The following PTPRN2 variants were observed in gnomAD, a reference collection of about 807,000 sequenced individuals.
PTPRN2 encodes the protein protein tyrosine phosphatase receptor type N2, also known as receptor-type tyrosine-protein phosphatase N2.
A neutral mutation model predicts 118.8 loss-of-function variants in PTPRN2; 74 were observed. That is an observed-to-expected ratio of 0.62 (90% CI 0.52 to 0.76). PTPRN2 has a LOEUF of 0.76. Among genes scored for constraint, PTPRN2 ranks in the 30% least tolerant of loss-of-function variants. The pLI is 0.00. For synonymous variants in PTPRN2, 641 were observed against 608.0 expected (o/e 1.05, Z -0.80); for missense variants, 1,481 against 1,394.4 (o/e 1.06, Z -0.99).
chr7:157,787,941 C>A lies in PTPRN2; in HGVS notation c.1789-105004G>T, dbSNP rs574935737. ...ACACTGACAGGCCTGGAGGTCTGGA[C>A]AATGGGGAGCCAGCACCGGGTCCCC... On this transcript the variant is annotated intron_variant, in intron 12 of 22. Coordinates refer to ENST00000389418, the MANE Select transcript of PTPRN2 (RefSeq NM_002847.5). This position sits in a 1 kb window ranked among gnomAD's most constrained non-coding sequence, Gnocchi z 5.3. Among the ~76,000 whole-genome samples the A allele has an allele frequency of 6.6e-6, 1 of 152,162 alleles. No homozygotes were observed. Among genetic ancestry groups the A allele is most frequent in the East Asian group, 1.9e-4 (1 of 5,164 alleles).
At chr7:158,395,583 GCC>G (rs1812352864) in intron 2 of PTPRN2, among the ~76,000 whole-genome samples, 1 of 95,036 alleles carries the variant, frequency 1.1e-5, no homozygotes, top group African/African-American at 4.3e-5. Flanking sequence ...GGCGCGAGGG[GCC>G]AGGGGTGAGG....
At chr7:158,069,350 CA>C (rs1811032148) in intron 11 of PTPRN2, among the ~76,000 whole-genome samples, 1 of 152,186 alleles carries the variant, frequency 6.6e-6, no homozygotes, top group South Asian at 2.1e-4. Flanking sequence ...ACAGGTACAT[CA>C]CCACGCTTGG....
rs1373275962 is a variant in PTPRN2, at chr7:158,092,057, G to A, written c.1644-10680C>T. On this transcript the variant is annotated intron_variant, in intron 10 of 22. Coordinates refer to ENST00000389418, the MANE Select transcript of PTPRN2 (RefSeq NM_002847.5). ...ATGGGTGGGTGAGGGATAGGTGATG[G>A]ATAGGTAGAGAGATGGTTGGGTGGG... Among the ~76,000 whole-genome samples the A allele has an allele frequency of 4.7e-5, 7 of 148,022 alleles. No individual in the cohort carries two copies. The East Asian group carries it at 1.2e-3, about 26-fold the overall frequency.
chr7:158,494,683 A>G (rs900726027), intron 1 of PTPRN2, among the ~76,000 whole-genome samples: 15 of 152,160 alleles, frequency 9.9e-5, no homozygotes, highest in Admixed American at 3.9e-4. Context: ...ACAGGAAAGC[A>G]TCTTCCCAGA....
chr7:157,621,745 G>T (rs879562908), intron 14 of PTPRN2, among the ~76,000 whole-genome samples: 1 of 152,006 alleles, frequency 6.6e-6, no homozygotes, highest in East Asian at 1.9e-4. Context: ...TATAAACTCC[G>T]GTGTTTGGGA....
chr7:158,013,331 T>C (rs1806177536), intron 11 of PTPRN2, among the ~76,000 whole-genome samples: 1 of 152,150 alleles, frequency 6.6e-6, no homozygotes, highest in Non-Finnish European at 1.5e-5. Context: ...TTGCAATTGC[T>C]GAATATTCTC....
intron 11 of PTPRN2, among the ~76,000 whole-genome samples, chr7:158,039,439 C>A (rs1023128159): frequency 1.3e-5 from 2 of 152,176 alleles, no homozygotes; most frequent in Admixed American, 6.5e-5. Context: ...TCCTTCCACA[C>A]CAGACCACCA....
chr7:158,367,173 G>A (rs1261952986), intron 2 of PTPRN2, among the ~76,000 whole-genome samples: 1 of 152,210 alleles, frequency 6.6e-6, no homozygotes, highest in African/African-American at 2.4e-5. Context: ...CCAGTGCTCG[G>A]AAGCATCTGG....
At chr7:158,282,565 G>C (rs776189593) in intron 3 of PTPRN2, among the ~76,000 whole-genome samples, 5 of 152,244 alleles carry the variant, frequency 3.3e-5, no homozygotes, top group Admixed American at 6.5e-5. Flanking sequence ...AGGGCATGTT[G>C]AGTTCTGAAG....
Position 157,868,980 on chromosome 7 carries a change from T to C in PTPRN2, c.1788+29693A>G, listed in dbSNP as rs1810891456. ...GGACTCAGTTCCATGTAGAACCAGA[T>C]GAAGATTCATAAAGGCCAGTGGGAT... On this transcript the variant is annotated intron_variant, in intron 12 of 22. Transcript: ENST00000389418. This position sits in a 1 kb window ranked among gnomAD's most constrained non-coding sequence, Gnocchi z 5.2. 1 of 152,132 alleles carries C rather than the reference T, an allele frequency of 6.6e-6. No homozygotes were observed. The highest frequency in any genetic ancestry group is 2.1e-4 in the South Asian group (1 of 4,816). 9.4% of individuals were successfully genotyped at this position (152,132 alleles called of 1,614,324 possible). A position where few individuals can be genotyped will look rare whatever the true frequency, so the allele number is the denominator to read the frequency against.
At chr7:158,080,693 T>C (rs1812753954) in intron 11 of PTPRN2, among the ~76,000 whole-genome samples, 2 of 152,144 alleles carry the variant, frequency 1.3e-5, no homozygotes, top group African/African-American at 4.8e-5. Context: ...ATGACAATTA[T>C]TAATCATATA....
intron 17 of PTPRN2, among the ~76,000 whole-genome samples, chr7:157,593,837 G>T (rs549134730): frequency 1.1e-3 from 161 of 152,330 alleles, no homozygotes; most frequent in African/African-American, 3.8e-3. Flanking sequence ...CAAGTAGGGA[G>T]CCCAAGTGCC....
chr7:157,797,005 G>T (rs747378980), intron 12 of PTPRN2, among the ~76,000 whole-genome samples: 1 of 152,146 alleles, frequency 6.6e-6, no homozygotes, highest in Non-Finnish European at 1.5e-5. Flanking sequence ...CCGACTCGCC[G>T]CTCAGACGAA....
intron 5 of PTPRN2, among the ~76,000 whole-genome samples, chr7:158,181,124 AGTTT>A (rs1178492181): frequency 2.6e-5 from 4 of 151,930 alleles, no homozygotes; most frequent in Non-Finnish European, 5.9e-5. Flanking sequence ...TTCTGTGCCG[AGTTT>A]GTTGAGAGTT....
intron 2 of PTPRN2, among the ~76,000 whole-genome samples, chr7:158,322,322 G>A (rs554183685): frequency 1.6e-4 from 24 of 152,304 alleles, no homozygotes; most frequent in African/African-American, 5.1e-4. Flanking sequence ...CTGATGGTTC[G>A]GTTATAATTG....
intron 8 of PTPRN2, among the ~76,000 whole-genome samples, chr7:158,135,039 C>T (rs1818687897): frequency 6.6e-6 from 1 of 152,188 alleles, no homozygotes; most frequent in Non-Finnish European, 1.5e-5. Flanking sequence ...CGGGTCTGCT[C>T]CTGCCACTGG....
intron 3 of PTPRN2, among the ~76,000 whole-genome samples, chr7:158,245,356 G>T (rs1292134361): frequency 6.6e-6 from 1 of 152,382 alleles, no homozygotes; most frequent in East Asian, 1.9e-4. Context: ...CGTGACCCAC[G>T]ATGGGAAAAG....
At chr7:158,123,415 C>T (rs541872789) in intron 9 of PTPRN2, among the ~76,000 whole-genome samples, 58 of 152,266 alleles carry the variant, frequency 3.8e-4, no homozygotes, top group Admixed American at 2.9e-3. Context: ...CCGCAGTGAC[C>T]GACACCATGT....
At chr7:157,789,510 AGG>A (rs1443707332) in intron 12 of PTPRN2, among the ~76,000 whole-genome samples, 1 of 152,214 alleles carries the variant, frequency 6.6e-6, no homozygotes, top group Non-Finnish European at 1.5e-5. Flanking sequence ...CGGAGAGAAA[AGG>A]GGCGGCCTGG....
Sources: gnomAD v4.1 joint callset for allele counts (sites outside exome capture counted in the v4.1 genomes callset) on GRCh38, gnomAD v4.1.1 for gene constraint, Gnocchi (gnomAD v3.1) non-coding constraint, MANE v1.5 for transcripts, NCBI Gene and HGNC (gene_info 2026-07-23, HGNC 2026-07-21) for gene names.